IL7: variants seen among roughly 807,000 people sequenced by gnomAD.
IL7 encodes interleukin 7.
A neutral mutation model predicts 21.6 loss-of-function variants in IL7; 3 were observed. The ratio of observed to expected loss-of-function variants is 0.14; its 90% confidence interval spans 0.06 to 0.36. IL7 has a LOEUF of 0.36. Among genes scored for constraint, IL7 ranks in the 10% least tolerant of loss-of-function variants. The probability of loss-of-function intolerance (pLI) is 1.00; values close to 1 mark genes in which losing one functional copy is unlikely to be tolerated. For synonymous variants in IL7, 62 were observed against 68.1 expected, an observed-to-expected ratio of 0.91 and a Z score of 0.44; for missense variants, 175 against 200.2, an observed-to-expected ratio of 0.87 and a Z score of 0.76.
chr8:78,804,867 G>A, intron 1 of IL7, 46 bp downstream of exon 1: 1 of 1,611,018 alleles, frequency 6.2e-7, no homozygotes, highest in Non-Finnish European at 8.5e-7. Context: ...GATTGCCCCG[G>A]CGCGTCGGGC....
intron 2 of IL7, among the ~76,000 whole-genome samples, chr8:78,741,788 T>G (rs1345348455): frequency 6.6e-6 from 1 of 152,202 alleles, no homozygotes; most frequent in Non-Finnish European, 1.5e-5. Flanking sequence ...CTTAGTACAT[T>G]TTATTAATGC....
At chr8:78,681,445 G>A (rs915867296) in intron 4 of IL7, among the ~76,000 whole-genome samples, 3 of 152,166 alleles carry the variant, frequency 2.0e-5, no homozygotes, top group African/African-American at 4.8e-5. Context: ...AAATGTTAAA[G>A]AGTCAGTAAT....
chr8:78,768,016 C>T (rs1027267283), intron 2 of IL7, among the ~76,000 whole-genome samples: 3 of 151,690 alleles, frequency 2.0e-5, no homozygotes, highest in Non-Finnish European at 2.9e-5. Context: ...TGAGAATATG[C>T]GGTGTTTGGC....
intron 2 of IL7, among the ~76,000 whole-genome samples, chr8:78,796,707 C>T (rs571651239): frequency 1.7e-4 from 26 of 152,012 alleles, no homozygotes; most frequent in African/African-American, 4.8e-5. Context: ...CACTGAGATA[C>T]TATGACAAGC....
At chr8:78,697,706 T>C (rs1384176570) in intron 3 of IL7, among the ~76,000 whole-genome samples, 1 of 149,068 alleles carries the variant, frequency 6.7e-6, no homozygotes, top group Admixed American at 6.8e-5. Flanking sequence ...TTTGACGGAG[T>C]CTTGCTCTGT....
At chr8:78,767,005 T>A (rs1217730454) in intron 2 of IL7, among the ~76,000 whole-genome samples, 2 of 152,164 alleles carry the variant, frequency 1.3e-5, no homozygotes, top group African/African-American at 2.4e-5. Flanking sequence ...CATTATAGCT[T>A]ACATTTGCAT....
intron 3 of IL7, among the ~76,000 whole-genome samples, chr8:78,711,130 C>G (rs1302091251): frequency 3.3e-5 from 5 of 152,084 alleles, no homozygotes; most frequent in African/African-American, 1.2e-4. Flanking sequence ...GCAAATATCT[C>G]TTAAAAAGAA....
At chr8:78,782,115 A>C (rs1813353102) in intron 2 of IL7, among the ~76,000 whole-genome samples, 1 of 152,040 alleles carries the variant, frequency 6.6e-6, no homozygotes, top group African/African-American at 2.4e-5. Flanking sequence ...AGCTTCTATA[A>C]TGTTTTATCA....
intron 4 of IL7, among the ~76,000 whole-genome samples, chr8:78,681,270 T>C (rs1327800262): frequency 6.6e-6 from 1 of 151,978 alleles, no homozygotes; most frequent in Admixed American, 6.6e-5. Context: ...TGCTGAATAG[T>C]AGAAATGAAT....
At chr8:78,738,831 G>T (rs1586056009) in intron 3 of IL7, among the ~76,000 whole-genome samples, 196 bp from the exon 4 acceptor site, 1 of 152,288 alleles carries the variant, frequency 6.6e-6, no homozygotes, top group East Asian at 1.9e-4. Context: ...ACAGCATGAA[G>T]TTCTTAGAAC....
chr8:78,701,450 T>G (rs187740785), intron 3 of IL7, among the ~76,000 whole-genome samples: 37 of 152,346 alleles, frequency 2.4e-4, no homozygotes, highest in African/African-American at 8.4e-4. Context: ...CAGGGATAGT[T>G]TGACTTCCTC....
intron 2 of IL7, among the ~76,000 whole-genome samples, chr8:78,778,150 A>C (rs993878658): frequency 6.6e-6 from 1 of 152,114 alleles, no homozygotes; most frequent in Non-Finnish European, 1.5e-5. Flanking sequence ...ACTAAACCTC[A>C]TAGTCTGGTA....
intron 4 of IL7, among the ~76,000 whole-genome samples, chr8:78,684,883 T>C (rs1275870483): frequency 1.3e-5 from 2 of 152,212 alleles, no homozygotes; most frequent in Non-Finnish European, 2.9e-5. Context: ...ATATATCCCA[T>C]ATTCTTGTAT....
chr8:78,752,077 CTG>C (rs1328710592), intron 2 of IL7, among the ~76,000 whole-genome samples: 1 of 152,152 alleles, frequency 6.6e-6, no homozygotes, highest in Non-Finnish European at 1.5e-5. Context: ...CCAGGCTCAT[CTG>C]TGTTGCTGTG....
intron 2 of IL7, chr8:78,762,512 G>C (rs1200946411): frequency 9.1e-7 from 1 of 1,098,132 alleles, no homozygotes; most frequent in Admixed American, 4.2e-5. Context: ...GGCCGGGGAG[G>C]GGAGCCAGGC....
At chr8:78,776,088 T>G (rs151280885) in intron 2 of IL7, among the ~76,000 whole-genome samples, 1 of 151,994 alleles carries the variant, frequency 6.6e-6, no homozygotes, top group South Asian at 2.1e-4. Flanking sequence ...TTAGGCACAG[T>G]AAGAGATTAA....
intron 2 of IL7, among the ~76,000 whole-genome samples, chr8:78,772,701 T>TCTAAATGAAGAC (rs1474422232): frequency 6.6e-6 from 1 of 152,168 alleles, no homozygotes; most frequent in Admixed American, 6.6e-5. Flanking sequence ...TCGCCAAATT[T>TCTAAATGAAGAC]CTAAATGAAG....
chr8:78,801,381 T>C (rs1020655039), intron 1 of IL7, among the ~76,000 whole-genome samples: 2 of 152,198 alleles, frequency 1.3e-5, no homozygotes, highest in African/African-American at 4.8e-5. Flanking sequence ...AACTGTCTTA[T>C]CTGGTTTGGG....
chr8:78,689,343 C>A, intron 3 of IL7: 1 of 1,595,088 alleles, frequency 6.3e-7, no homozygotes, highest in South Asian at 1.1e-5. Context: ...CTACAGATAC[C>A]AAAGGAAAAC....
Sources: gnomAD v4.1 joint callset for allele counts (sites outside exome capture counted in the v4.1 genomes callset) on GRCh38, gnomAD v4.1.1 for gene constraint, MANE v1.5 for transcripts, NCBI Gene and HGNC (gene_info 2026-07-23, HGNC 2026-07-21) for gene names.